Variants in SLA2 observed in about 807,000 individuals in gnomAD.
SLA2 encodes Src like adaptor 2.
SLA2 carries 22 observed loss-of-function variants against 27.3 expected under a neutral mutation model. The observed-to-expected ratio is 0.81, with a 90% CI of 0.58 to 1.15. The LOEUF (loss-of-function observed/expected upper bound fraction) is 1.15, where lower values mean the gene tolerates loss of function less well. Ranked by LOEUF, SLA2 falls within the 50% of genes most tolerant of loss-of-function variation. The pLI is 0.00. For synonymous variants in SLA2, 131 were observed against 137.8 expected, an observed-to-expected ratio of 0.95 and a Z score of 0.34; for missense variants, 304 against 322.2, an observed-to-expected ratio of 0.94 and a Z score of 0.43.
intron 5 of SLA2, among the ~76,000 whole-genome samples, chr20:36,632,122 G>A (rs2039398873): frequency 1.3e-5 from 2 of 152,140 alleles, no homozygotes; most frequent in Admixed American, 6.5e-5. Context: ...CTGTGTCTCT[G>A]CTGAGTAGCA....
chr20:36,622,367 A>C (rs1332772284), intron 5 of SLA2, among the ~76,000 whole-genome samples: 1 of 151,672 alleles, frequency 6.6e-6, no homozygotes, highest in Non-Finnish European at 1.5e-5. Context: ...AAAAAAAAAA[A>C]CAAAAAACTG....
At chr20:36,630,300 A>G (rs2039380986) in intron 5 of SLA2, among the ~76,000 whole-genome samples, 1 of 152,182 alleles carries the variant, frequency 6.6e-6, no homozygotes, top group Non-Finnish European at 1.5e-5. Context: ...GGCCTCAGAG[A>G]GGTCAACCCA....
chr20:36,640,755 T>G (rs961324279), intron 2 of SLA2, among the ~76,000 whole-genome samples: 1 of 152,170 alleles, frequency 6.6e-6, no homozygotes, highest in South Asian at 2.1e-4. Context: ...GACCTCAGGT[T>G]ATCTGCCCGC....
intron 3 of SLA2, among the ~76,000 whole-genome samples, chr20:36,634,079 C>G (rs919944182): frequency 1.3e-5 from 2 of 151,960 alleles, no homozygotes; most frequent in African/African-American, 2.4e-5. Context: ...CCTCCTCCTC[C>G]CAGGTTCAAG....
chr20:36,616,660 C>G (rs1455253827), intron 5 of SLA2, among the ~76,000 whole-genome samples: 1 of 152,044 alleles, frequency 6.6e-6, no homozygotes, highest in Non-Finnish European at 1.5e-5. Flanking sequence ...TAGAGCCATG[C>G]TCTCGCTCTG....
chr20:36,634,639 G>C lies in SLA2; in HGVS notation c.92-50C>G, dbSNP rs760254140. 5 of 1,278,182 alleles carry C rather than the reference G, an allele frequency of 3.9e-6. No homozygotes were observed. In the South Asian group the frequency reaches 6.7e-5, roughly 17 times the overall value. The allele number at this position is 1,278,182 out of a possible 1,614,324, so 79.2% of individuals were successfully genotyped here. The stretch of plus-strand genomic sequence containing the variant: ...ACCTACTTAGCTAGCCCTGCTCCAC[G>C]CATGAGGTCTAGTGGAGTCTGGCCT... On this transcript the variant is annotated intron_variant, in intron 2 of 7. Transcript: ENST00000262866.
chr20:36,621,263 A>T, intron 5 of SLA2: 1 of 584,096 alleles, frequency 1.7e-6, no homozygotes, highest in East Asian at 4.1e-5. Flanking sequence ...TATGCTGGTG[A>T]TGGGAACTAT....
intron 1 of SLA2, among the ~76,000 whole-genome samples, chr20:36,642,812 C>T (rs992991233): frequency 2.0e-5 from 3 of 152,164 alleles, no homozygotes; most frequent in East Asian, 1.9e-4. Context: ...CTTGAACTCC[C>T]GACCTCAGGC....
At chr20:36,642,962 C>T (rs370291233) in intron 1 of SLA2, among the ~76,000 whole-genome samples, 16 of 152,298 alleles carry the variant, frequency 1.1e-4, no homozygotes, top group African/African-American at 3.6e-4. Context: ...ATCCTCCCAC[C>T]TCAGCTTCCC....
At chr20:36,637,538 G>A (rs1176244641) in intron 2 of SLA2, among the ~76,000 whole-genome samples, 1 of 151,368 alleles carries the variant, frequency 6.6e-6, no homozygotes, top group African/African-American at 2.4e-5. Flanking sequence ...ACTCTTGTTT[G>A]AAATGTCCAG....
chr20:36,637,185 G>A (rs2039459420), intron 2 of SLA2, among the ~76,000 whole-genome samples: 1 of 149,250 alleles, frequency 6.7e-6, no homozygotes, highest in African/African-American at 2.5e-5. Context: ...TAAGGTGCGC[G>A]TGTGTGTATT....
At chr20:36,632,016 C>T (rs1363279103) in intron 5 of SLA2, among the ~76,000 whole-genome samples, 1 of 152,088 alleles carries the variant, frequency 6.6e-6, no homozygotes, top group Non-Finnish European at 1.5e-5. Context: ...AAACTGACCC[C>T]CCATCTCCTC....
At chr20:36,625,216 ATTT>A (rs71186005) in intron 5 of SLA2, among the ~76,000 whole-genome samples, 1 of 78,496 alleles carries the variant, frequency 1.3e-5, no homozygotes, top group Non-Finnish European at 2.4e-5. Flanking sequence ...ACGTACCCTG[ATTT>A]TTTTTTTTTT....
intron 2 of SLA2, 132 bp from the exon 3 acceptor site, chr20:36,634,721 T>A (rs2039427330): frequency 3.8e-6 from 2 of 519,700 alleles, no homozygotes; most frequent in Admixed American, 3.9e-5. Flanking sequence ...CCCATCCACT[T>A]CCTAAGAGGG....
At chr20:36,622,909 A>G (rs2039299183) in intron 5 of SLA2, among the ~76,000 whole-genome samples, 1 of 152,168 alleles carries the variant, frequency 6.6e-6, no homozygotes, top group Non-Finnish European at 1.5e-5. Context: ...GGACCTGAAC[A>G]TTGTTGGGGG....
intron 5 of SLA2, among the ~76,000 whole-genome samples, chr20:36,619,220 GAAAAAAAA>G (rs60021707): frequency 1.4e-5 from 1 of 71,264 alleles, no homozygotes; most frequent in Non-Finnish European, 2.7e-5. Context: ...GACTCTGGGG[GAAAAAAAA>G]AAAAAAAAAA....
chr20:36,639,572 G>A (rs1249701094), intron 2 of SLA2, among the ~76,000 whole-genome samples: 4 of 152,028 alleles, frequency 2.6e-5, no homozygotes, highest in Non-Finnish European at 4.4e-5. Context: ...CTAGAATTGC[G>A]GCCGGGTGCA....
At chr20:36,645,075 C>T (rs1023068789) in intron 1 of SLA2, among the ~76,000 whole-genome samples, 1 of 151,938 alleles carries the variant, frequency 6.6e-6, no homozygotes, top group Non-Finnish European at 1.5e-5. Context: ...CACAGTGGCT[C>T]ATGCCTGTAA....
intron 5 of SLA2, among the ~76,000 whole-genome samples, chr20:36,627,435 A>C (rs571632562): frequency 6.6e-6 from 1 of 152,234 alleles, no homozygotes; most frequent in South Asian, 2.1e-4. Context: ...TTAGGGATTG[A>C]ATGTTGCACC....
Sources: gnomAD v4.1 joint callset for allele counts (sites outside exome capture counted in the v4.1 genomes callset) on GRCh38, gnomAD v4.1.1 for gene constraint, MANE v1.5 for transcripts, NCBI Gene and HGNC (gene_info 2026-07-23, HGNC 2026-07-21) for gene names.